ZNF423: variants seen among roughly 807,000 people sequenced by gnomAD.
ZNF423 encodes zinc finger protein 423, also known as Ebf-associated zinc finger protein.
A neutral mutation model predicts 95.8 loss-of-function variants in ZNF423; 12 were observed. That is an observed-to-expected ratio of 0.13 (90% CI 0.08 to 0.20). ZNF423 has a LOEUF of 0.20. ZNF423 is among the 10% of genes least tolerant of loss of function. The pLI, the probability that ZNF423 is intolerant of heterozygous loss-of-function variation, is 1.00. For synonymous variants in ZNF423, 749 were observed against 711.9 expected (o/e 1.05, Z -0.83); for missense variants, 1,316 against 1,737.1 (o/e 0.76, Z 4.31).
intron 3 of ZNF423, among the ~76,000 whole-genome samples, chr16:49,727,966 A>T (rs1045537059): frequency 2.6e-5 from 4 of 152,154 alleles, no homozygotes; most frequent in African/African-American, 9.7e-5. Flanking sequence ...TTTAAATCAG[A>T]GGCCAATTTT....
At chr16:49,672,815 C>G (rs2030874495) in intron 3 of ZNF423, among the ~76,000 whole-genome samples, 1 of 152,046 alleles carries the variant, frequency 6.6e-6, no homozygotes, top group African/African-American at 2.4e-5. Context: ...GAAACTCCAT[C>G]TCAAAAAAAT....
chr16:49,721,349 GC>G (rs1210188900), intron 3 of ZNF423, among the ~76,000 whole-genome samples: 2 of 152,118 alleles, frequency 1.3e-5, no homozygotes, highest in African/African-American at 4.8e-5. Context: ...GGCATTCACG[GC>G]CCCGAATACA....
At chr16:49,576,535 C>T (rs1236815703) in intron 5 of ZNF423, among the ~76,000 whole-genome samples, 1 of 152,228 alleles carries the variant, frequency 6.6e-6, no homozygotes, top group Admixed American at 6.5e-5. Flanking sequence ...CTTTCACAGA[C>T]TTGTAGACTC....
At chr16:49,743,960 C>T (rs1351386652) in intron 2 of ZNF423, among the ~76,000 whole-genome samples, 1 of 152,128 alleles carries the variant, frequency 6.6e-6, no homozygotes, top group African/African-American at 2.4e-5. Flanking sequence ...AGGAGGAGTA[C>T]ACTCAGATTC....
At chr16:49,620,390 G>T (rs1191770985) in intron 5 of ZNF423, among the ~76,000 whole-genome samples, 1 of 152,140 alleles carries the variant, frequency 6.6e-6, no homozygotes, top group Non-Finnish European at 1.5e-5. Flanking sequence ...GGAGGCAGGA[G>T]GGGTTGATTT....
chr16:49,705,567 G>T (rs2032321692), intron 3 of ZNF423, among the ~76,000 whole-genome samples: 1 of 152,136 alleles, frequency 6.6e-6, no homozygotes, highest in African/African-American at 2.4e-5. Flanking sequence ...GTGATTTTGA[G>T]ACAGAGTTTC....
intron 2 of ZNF423, among the ~76,000 whole-genome samples, chr16:49,748,912 G>A (rs1404153811): frequency 6.6e-6 from 1 of 152,144 alleles, no homozygotes; most frequent in African/African-American, 2.4e-5. Flanking sequence ...CCCGCTGTGT[G>A]CACCCCTCTC....
chr16:49,815,875 AAAAAAAATATATATATATAT>A (rs1175843832), intron 1 of ZNF423, among the ~76,000 whole-genome samples: 5 of 62,130 alleles, frequency 8.0e-5, no homozygotes, highest in African/African-American at 3.1e-4. Flanking sequence ...ACAAACAAAA[AAAAAAAATATATATATATAT>A]ATATATATAT....
At position 49,501,325 on chromosome 16, in the gene ZNF423, C is replaced by T. The variant is rs910995815; in HGVS notation, c.3850-10021G>A. Among the ~76,000 whole-genome samples the T allele has an allele frequency of 3.9e-5, 6 of 152,054 alleles. No individual in the cohort carries two copies. In the South Asian group the frequency reaches 8.3e-4, roughly 21 times the overall value. ...AGCTCTAGGCAATGACTGCCACATG[C>T]GAATATAGGCCCAGTGTTGCTTCCG... On this transcript the variant is annotated intron_variant, in intron 7 of 7. Transcript: ENST00000563137.
rs147490924 is a variant in ZNF423, at chr16:49,521,038, C to T, written c.3849+2586G>A. ...CAGGAAACCACCAGCTCACATGAACCGCTCTCAGGTCAAGTGTGGCCCACA... is the reference window on the plus strand; with the variant it reads ...CAGGAAACCACCAGCTCACATGAACTGCTCTCAGGTCAAGTGTGGCCCACA... On this transcript the variant is annotated intron_variant, in intron 7 of 7. Coordinates refer to ENST00000563137, the MANE Select transcript of ZNF423 (RefSeq NM_001379286.1). Among the ~76,000 whole-genome samples the T allele has an allele frequency of 3.2e-3, 486 of 152,292 alleles. 1 individual carries two copies. The highest frequency in any genetic ancestry group is 0.011 in the African/African-American group (458 of 41,554).
At chr16:49,761,516 G>C (rs927937103) in intron 2 of ZNF423, among the ~76,000 whole-genome samples, 8 of 152,222 alleles carry the variant, frequency 5.3e-5, no homozygotes, top group African/African-American at 1.9e-4. Flanking sequence ...ACCACGCTCT[G>C]AGTAGCAAAG....
Position 49,638,008 on chromosome 16 carries a change from A to G in ZNF423, c.1168T>C (p.Ser390Pro), listed in dbSNP as rs142835239. The G allele has an allele frequency of 1.0e-3, 1,617 of 1,613,990 alleles. 2 individuals are homozygous for G. The highest frequency in any genetic ancestry group is 1.3e-3 in the Non-Finnish European group (1,515 of 1,180,018). Residue 390 changes from serine to proline, a missense_variant, in exon 4 of 8, where the codon TCC becomes CCC. By Grantham distance (74) the Ser-to-Pro change is moderately conservative (BLOSUM62 -1). Transcript: ENST00000563137. The surrounding 1 kb of genome is among the most constrained non-coding windows in gnomAD (Gnocchi z 5.6). Reference protein sequence around the residue: ...PDSSASVERGSTPDSTLKPLR... With the variant: ...PDSSASVERGPTPDSTLKPLR... ...GGCTTCAAGGTGGAGTCCGGGGTGGAGCCACGCTCCACAGAGGCGCTGGAG... is the reference window on the plus strand; with the variant it reads ...GGCTTCAAGGTGGAGTCCGGGGTGGGGCCACGCTCCACAGAGGCGCTGGAG...
intron 3 of ZNF423, among the ~76,000 whole-genome samples, chr16:49,669,445 C>T (rs1257830655): frequency 1.3e-5 from 2 of 152,210 alleles, no homozygotes; most frequent in African/African-American, 4.8e-5. Flanking sequence ...ATATGGGGCA[C>T]CCTTCTTTCA....
chr16:49,709,463 C>A (rs2032475254), intron 3 of ZNF423, among the ~76,000 whole-genome samples: 1 of 152,048 alleles, frequency 6.6e-6, no homozygotes, highest in Admixed American at 6.6e-5. Context: ...AGGTACGATG[C>A]CAGCCACTCC....
chr16:49,576,129 T>G (rs938694544), intron 5 of ZNF423, among the ~76,000 whole-genome samples: 1 of 152,218 alleles, frequency 6.6e-6, no homozygotes. Context: ...AGAAGTTTCC[T>G]TTGCTCTCTG....
chr16:49,678,890 C>T (rs951272374), intron 3 of ZNF423, among the ~76,000 whole-genome samples: 1 of 152,216 alleles, frequency 6.6e-6, no homozygotes, highest in Admixed American at 6.5e-5. Context: ...AATCAATTCT[C>T]AATCCATACA....
intron 2 of ZNF423, chr16:49,764,506 C>T (rs2033890897): frequency 6.6e-6 from 1 of 152,298 alleles, no homozygotes; most frequent in Admixed American, 6.6e-5. Flanking sequence ...AGAAAAGGAC[C>T]GTGAAAGGTG....
In ZNF423 at chr16:49,745,711, G is replaced by A. The variant is rs535263584; in HGVS notation, c.101-14740C>T. 2.0e-5 allele frequency among the ~76,000 whole-genome samples: 3 copies of A among 152,308 alleles called. No homozygotes were observed. The East Asian group carries it at 5.8e-4, about 29-fold the overall frequency. ...CAATAGGGAGAGAGGAGGTGGCAGG[G>A]TGTCTATTAAATGCTAACTCGTGTC... On this transcript the variant is annotated intron_variant, in intron 2 of 7. Coordinates refer to ENST00000563137, the MANE Select transcript of ZNF423 (RefSeq NM_001379286.1).
intron 4 of ZNF423, among the ~76,000 whole-genome samples, chr16:49,626,686 T>C (rs1021333604): frequency 6.7e-6 from 1 of 150,182 alleles, no homozygotes; most frequent in African/African-American, 2.5e-5. Flanking sequence ...CTCATTCATC[T>C]ATCCATCTAC....
Sources: allele counts gnomAD v4.1 joint callset (sites outside exome capture counted in the v4.1 genomes callset), GRCh38; gene constraint gnomAD v4.1.1; non-coding constraint Gnocchi (gnomAD v3.1); transcripts MANE v1.5; gene names NCBI Gene and HGNC (gene_info 2026-07-23, HGNC 2026-07-21).